Variants in DLC1 observed in about 807,000 individuals in gnomAD.
The protein encoded by DLC1 is rho GTPase-activating protein 7.
DLC1 carries 54 observed loss-of-function variants against 140.3 expected under a neutral mutation model. That is an observed-to-expected ratio of 0.38 (90% CI 0.31 to 0.48). The LOEUF (loss-of-function observed/expected upper bound fraction) is 0.48, where lower values mean the gene tolerates loss of function less well. Among genes scored for constraint, DLC1 ranks in the 20% least tolerant of loss-of-function variants. DLC1 has a pLI of 0.96. For synonymous variants in DLC1, 986 were observed against 728.1 expected, an observed-to-expected ratio of 1.35 and a Z score of -5.70; for missense variants, 2,536 against 1,907.0, an observed-to-expected ratio of 1.33 and a Z score of -6.14.
chr8:13,237,197 A>ATATATG (rs1554478020), intron 5 of DLC1, among the ~76,000 whole-genome samples: 97 of 138,204 alleles, frequency 7.0e-4, no homozygotes, highest in African/African-American at 1.3e-3. Flanking sequence ...ATATATATAT[A>ATATATG]TGTGTGTGTG....
intron 2 of DLC1, among the ~76,000 whole-genome samples, chr8:13,432,112 C>G (rs1402440551): frequency 2.6e-5 from 4 of 151,890 alleles, no homozygotes; most frequent in African/African-American, 9.7e-5. Context: ...TGGAGCAAAT[C>G]AAACAAAATC....
At chr8:13,366,417 T>G (rs1835482635) in intron 4 of DLC1, among the ~76,000 whole-genome samples, 1 of 152,184 alleles carries the variant, frequency 6.6e-6, no homozygotes, top group Non-Finnish European at 1.5e-5. Context: ...GAAGGTTCTT[T>G]GTGGGCACAT....
chr8:13,534,292 G>C (rs1803195468), intron 1 of DLC1, among the ~76,000 whole-genome samples: 1 of 152,026 alleles, frequency 6.6e-6, no homozygotes, highest in African/African-American at 2.4e-5. Flanking sequence ...TCACATGTTT[G>C]CACTACCTTT....
At chr8:13,088,126 G>A (rs1258887827) in intron 16 of DLC1, among the ~76,000 whole-genome samples, 1 of 152,186 alleles carries the variant, frequency 6.6e-6, no homozygotes, top group African/African-American at 2.4e-5. Context: ...TGTTGCCCAG[G>A]CTGCGGTACA....
At chr8:13,440,143 G>A (rs1022334816) in intron 2 of DLC1, among the ~76,000 whole-genome samples, 3 of 152,120 alleles carry the variant, frequency 2.0e-5, no homozygotes, top group East Asian at 1.9e-4. Context: ...ACGAATTTTC[G>A]ATAAGGAGAT....
intron 13 of DLC1, among the ~76,000 whole-genome samples, chr8:13,091,968 C>A (rs970333687): frequency 9.2e-5 from 14 of 152,158 alleles, no homozygotes; most frequent in African/African-American, 3.4e-4. Context: ...TAAATGTGGC[C>A]GGGCGCAGTG....
intron 4 of DLC1, chr8:13,338,778 C>T (rs1215873911): frequency 6.6e-6 from 1 of 152,136 alleles, no homozygotes; most frequent in African/African-American, 2.4e-5. Flanking sequence ...CAACTAGCGA[C>T]ATGGAATCTT....
At chr8:13,377,570 T>C (rs933999868) in intron 4 of DLC1, among the ~76,000 whole-genome samples, 76 of 152,170 alleles carry the variant, frequency 5.0e-4, no homozygotes, top group African/African-American at 1.8e-3. Flanking sequence ...GACATCAATT[T>C]TTATAGACCT....
chr8:13,567,479 C>A (rs1014868589), intron 1 of DLC1: 1 of 1,552,048 alleles, frequency 6.4e-7, no homozygotes, highest in Non-Finnish European at 8.7e-7. Flanking sequence ...GAGAGAGATG[C>A]CTTTAGTTGT....
intron 5 of DLC1, among the ~76,000 whole-genome samples, chr8:13,138,845 G>T (rs1822760156): frequency 6.6e-6 from 1 of 152,052 alleles, no homozygotes; most frequent in Non-Finnish European, 1.5e-5. Context: ...GAATAATAAG[G>T]GGCTTAGGCA....
At position 13,499,911 on chromosome 8, in the gene DLC1, C is replaced by G; in HGVS notation, c.161G>C (p.Arg54Pro). The G allele has an allele frequency of 6.2e-7, 1 of 1,614,036 alleles. No homozygotes were observed. The highest frequency in any genetic ancestry group is 8.5e-7 in the Non-Finnish European group (1 of 1,179,994). The stretch of plus-strand genomic sequence containing the variant: ...AGGTAGTGAAACACACTTCTCTTTG[C>G]GGTCCACATTTAGAGTTGCATCTTT... ...MEKDATLNVD[R>P]KEKCVSLPDC... The change falls in exon 2 of 18, where the codon CGC (arginine) becomes CCC (proline). Residue 54 changes from arginine to proline, a missense_variant. Arg to Pro is a moderately radical substitution (Grantham distance 103). Coordinates refer to ENST00000276297, the MANE Select transcript of DLC1 (RefSeq NM_182643.3).
chr8:13,286,157 A>G (rs920627067), intron 5 of DLC1, among the ~76,000 whole-genome samples: 2 of 152,216 alleles, frequency 1.3e-5, no homozygotes. Flanking sequence ...ATTGGGTCAA[A>G]GAAGCTCAGT....
chr8:13,375,336 T>C (rs1296013204), intron 4 of DLC1, among the ~76,000 whole-genome samples: 1 of 152,158 alleles, frequency 6.6e-6, no homozygotes, highest in Non-Finnish European at 1.5e-5. Context: ...CAAGAATGCT[T>C]GTGATTTTTG....
intron 4 of DLC1, among the ~76,000 whole-genome samples, chr8:13,364,745 T>C (rs555444466): frequency 6.6e-6 from 1 of 152,350 alleles, no homozygotes; most frequent in African/African-American, 2.4e-5. Flanking sequence ...GACATCTTTG[T>C]CAGCCTTTCA....
intron 2 of DLC1, among the ~76,000 whole-genome samples, chr8:13,454,661 C>T (rs1333700315): frequency 6.6e-6 from 1 of 152,158 alleles, no homozygotes; most frequent in East Asian, 1.9e-4. Context: ...CTCAAGTGAT[C>T]ATCCTGCCTC....
chr8:13,445,357 ACT>A (rs1798729391), intron 2 of DLC1, among the ~76,000 whole-genome samples: 1 of 152,164 alleles, frequency 6.6e-6, no homozygotes, highest in Non-Finnish European at 1.5e-5. Flanking sequence ...GAAGCAGGAA[ACT>A]CTAGGCACTA....
At chr8:13,128,485 C>T (rs1460600769) in intron 5 of DLC1, among the ~76,000 whole-genome samples, 1 of 152,174 alleles carries the variant, frequency 6.6e-6, no homozygotes, top group Non-Finnish European at 1.5e-5. Context: ...AACTATAAGG[C>T]TCCGTAAGGG....
At chr8:13,174,654 G>A (rs570190982) in intron 5 of DLC1, among the ~76,000 whole-genome samples, 21 of 152,246 alleles carry the variant, frequency 1.4e-4, no homozygotes, top group African/African-American at 4.6e-4. Flanking sequence ...TTGGCTGCTT[G>A]TATGTCTTCC....
At chr8:13,578,912 C>A (rs556811924) in intron 1 of DLC1, among the ~76,000 whole-genome samples, 2 of 151,850 alleles carry the variant, frequency 1.3e-5, no homozygotes, top group Non-Finnish European at 2.9e-5. Context: ...CTCAACCTTC[C>A]GCCCTACTCC....
Sources: gnomAD v4.1 joint callset for allele counts (sites outside exome capture counted in the v4.1 genomes callset) on GRCh38, gnomAD v4.1.1 for gene constraint, MANE v1.5 for transcripts, NCBI Gene and HGNC (gene_info 2026-07-23, HGNC 2026-07-21) for gene names.